Variants in SLC35F4 observed in about 807,000 individuals in gnomAD.
SLC35F4 encodes the protein solute carrier family 35 member F4.
Under a neutral mutation model 44.2 loss-of-function variants are expected in SLC35F4, and 24 were observed. The ratio of observed to expected loss-of-function variants is 0.54; its 90% CI spans 0.39 to 0.76. The LOEUF is 0.76. Among genes scored for constraint, SLC35F4 ranks in the 30% least tolerant of loss-of-function variants. The pLI is 0.00. For synonymous variants in SLC35F4, 238 were observed against 223.6 expected (o/e 1.06, Z -0.57); for missense variants, 562 against 586.1 (o/e 0.96, Z 0.42).
chr14:57,730,400 G>A (rs867390333), intron 1 of SLC35F4, among the ~76,000 whole-genome samples: 10 of 36,022 alleles, frequency 2.8e-4, no homozygotes, highest in Middle Eastern at 0.016. Context: ...CAGCGATGTT[G>A]AACTTTTTTT....
In SLC35F4 at chr14:57,589,413, C is replaced by A. The variant is rs2070010722; in HGVS notation, c.390G>T (p.Trp130Cys). The A allele has an allele frequency of 6.2e-7, 1 of 1,613,804 alleles. No homozygotes were observed. The highest frequency in any genetic ancestry group is 8.5e-7 in the Non-Finnish European group (1 of 1,179,874). Residue 130 changes from tryptophan to cysteine, a missense_variant, in exon 3 of 8, where the codon TGG (tryptophan) becomes TGT (cysteine). Trp to Cys is a radical substitution (Grantham distance 215, BLOSUM62 -2). Transcript: ENST00000556826. ...SCTSMVLKGI[W>C]GLLIILSVSS... ...ATACTGACAAGATGATCAAGAGTCC[C>A]CAGATGCCCTTCAGAACCATGGACG...
At chr14:57,717,427 G>A (rs1294491482) in intron 1 of SLC35F4, among the ~76,000 whole-genome samples, 2 of 152,114 alleles carry the variant, frequency 1.3e-5, no homozygotes, top group Non-Finnish European at 2.9e-5. Flanking sequence ...ACGAGGTCAG[G>A]AGATCGAGAC....
At chr14:57,634,130 A>G (rs1202232467) in intron 1 of SLC35F4, among the ~76,000 whole-genome samples, 4 of 152,144 alleles carry the variant, frequency 2.6e-5, no homozygotes, top group African/African-American at 9.7e-5. Flanking sequence ...AGCACCCACC[A>G]TGTGCTAGGA....
chr14:57,944,695 AAAAGAAAGAAAGAAAGAAAGAAAGAAAG>A lies in SLC35F4; in HGVS notation n.282+37190_282+37217del, dbSNP rs141697627. Reference sequence around the variant, plus strand: ...AGAAAGAAAAAGAAAAGAAAGAAAGAAAAGAAAGAAAGAAAGAAAGAAAGAAAGAAAGAAAGAAAGAAAGAAAGAAAGA... The same window carrying A: ...AGAAAGAAAAAGAAAAGAAAGAAAGAAAAGAAAGAAAGAAAGAAAGAAAGA... On this transcript the variant is annotated intron_variant and non_coding_transcript_variant, in intron 1 of 1. Coordinates refer to the SLC35F4 transcript ENST00000556568. Among the ~76,000 whole-genome samples the A allele has an allele frequency of 7.3e-3, 847 of 116,062 alleles. 4 individuals carry two copies. The highest frequency in any genetic ancestry group is 0.021 in the African/African-American group (543 of 26,012). 76.1% of individuals were successfully genotyped at this position (116,062 alleles called of 152,430 possible). A position where few individuals can be genotyped will look rare whatever the true frequency, so the allele number is the denominator to read the frequency against.
At chr14:57,874,651 C>A (rs1328526011) in intron 1 of SLC35F4, among the ~76,000 whole-genome samples, 1 of 152,168 alleles carries the variant, frequency 6.6e-6, no homozygotes, top group Admixed American at 6.5e-5. Flanking sequence ...TGACCCTGTG[C>A]AATGCCATCT....
At chr14:57,810,747 G>T (rs964275744) in intron 1 of SLC35F4, among the ~76,000 whole-genome samples, 15 of 152,346 alleles carry the variant, frequency 9.8e-5, no homozygotes, top group African/African-American at 3.6e-4. Flanking sequence ...TAGCTTGGAG[G>T]TGAGAACTCT....
At chr14:57,653,184 T>C (rs1379150559) in intron 1 of SLC35F4, among the ~76,000 whole-genome samples, 1 of 152,216 alleles carries the variant, frequency 6.6e-6, no homozygotes, top group African/African-American at 2.4e-5. Flanking sequence ...AAATAAATTA[T>C]ATGTTCAGTG....
chr14:57,589,210 A>G lies in SLC35F4; in HGVS notation c.587+6T>C. 4 of 1,598,386 alleles carry G rather than the reference A, an allele frequency of 2.5e-6. No individual in the cohort carries two copies. The highest frequency in any genetic ancestry group is 3.4e-6 in the Non-Finnish European group (4 of 1,172,860). On this transcript the variant is annotated splice_donor_region_variant and intron_variant, in intron 3 of 7. Coordinates refer to ENST00000556826, the MANE Select transcript of SLC35F4 (RefSeq NM_001306087.2). Reference sequence around the variant, plus strand: ...TCTCTTATTGGGCAGTTAACATGAAACCTACCTGAATTTTTTCATTGGAGA... The same window carrying G: ...TCTCTTATTGGGCAGTTAACATGAAGCCTACCTGAATTTTTTCATTGGAGA...
intron 1 of SLC35F4, among the ~76,000 whole-genome samples, chr14:57,673,954 A>C (rs932736454): frequency 6.6e-6 from 1 of 152,134 alleles, no homozygotes; most frequent in Non-Finnish European, 1.5e-5. Context: ...ATGGGCAAAA[A>C]TTTGAATAAA....
chr14:57,598,516 A>G (rs1295988235), intron 1 of SLC35F4, among the ~76,000 whole-genome samples: 5 of 152,252 alleles, frequency 3.3e-5, no homozygotes, highest in Admixed American at 1.3e-4. Flanking sequence ...AAGTTCTCAG[A>G]TAACAACTTG....
chr14:57,851,666 T>G (rs1886576949), intron 1 of SLC35F4, among the ~76,000 whole-genome samples: 1 of 152,186 alleles, frequency 6.6e-6, no homozygotes, highest in African/African-American at 2.4e-5. Flanking sequence ...AAAGCCTACC[T>G]GAGAGACATG....
At chr14:57,589,636 T>C in intron 2 of SLC35F4, 123 bp from the exon 3 acceptor site, 3 of 1,062,524 alleles carry the variant, frequency 2.8e-6, no homozygotes, top group Middle Eastern at 2.6e-4. Flanking sequence ...ACCAGTGTTT[T>C]TCTTTTCTAC....
chr14:57,634,317 T>C (rs2072925102), intron 1 of SLC35F4, among the ~76,000 whole-genome samples: 1 of 152,156 alleles, frequency 6.6e-6, no homozygotes, highest in African/African-American at 2.4e-5. Context: ...TGTGGCCTTA[T>C]CTAGAGTACA....
At chr14:57,835,054 A>C (rs1566891868) in intron 1 of SLC35F4, among the ~76,000 whole-genome samples, 1 of 152,134 alleles carries the variant, frequency 6.6e-6, no homozygotes, top group Non-Finnish European at 1.5e-5. Context: ...CAAAACAAAA[A>C]TAACCAAACT....
intron 1 of SLC35F4, among the ~76,000 whole-genome samples, chr14:57,707,928 G>T (rs2075719100): frequency 6.6e-6 from 1 of 152,096 alleles, no homozygotes; most frequent in South Asian, 2.1e-4. Flanking sequence ...TCAGTTTATG[G>T]TTAGACTCTG....
At chr14:57,608,621 G>A (rs1328540273) in intron 1 of SLC35F4, among the ~76,000 whole-genome samples, 2 of 152,074 alleles carry the variant, frequency 1.3e-5, no homozygotes, top group African/African-American at 4.8e-5. Flanking sequence ...CATGTTTGTG[G>A]AACTTTGTTA....
intron 1 of SLC35F4, among the ~76,000 whole-genome samples, chr14:57,661,893 G>A (rs73305905): frequency 0.026 from 3,953 of 152,222 alleles, 163 homozygotes; most frequent in African/African-American, 0.089. Flanking sequence ...CCACTCCTCT[G>A]AGGTTTAGAT....
chr14:57,601,287 G>T (rs2070810721), intron 1 of SLC35F4, among the ~76,000 whole-genome samples: 1 of 151,800 alleles, frequency 6.6e-6, no homozygotes, highest in South Asian at 2.1e-4. Flanking sequence ...ACTTTTACAT[G>T]CATATTAAAA....
chr14:57,735,865 G>C (rs1372490568), intron 1 of SLC35F4, among the ~76,000 whole-genome samples: 2 of 152,034 alleles, frequency 1.3e-5, no homozygotes, highest in Non-Finnish European at 2.9e-5. Flanking sequence ...GAGACTACAA[G>C]TGTGTGCCAC....
Sources: gnomAD v4.1 joint callset for allele counts (sites outside exome capture counted in the v4.1 genomes callset) on GRCh38, gnomAD v4.1.1 for gene constraint, MANE v1.5 for transcripts, NCBI Gene and HGNC (gene_info 2026-07-23, HGNC 2026-07-21) for gene names.